The following KIAA1671 variants were observed in gnomAD, a reference collection of about 807,000 sequenced individuals.
The protein encoded by KIAA1671 is KIAA1671, also known as uncharacterized protein KIAA1671.
Under a neutral mutation model 131.2 loss-of-function variants are expected in KIAA1671, and 52 were observed. The ratio of observed to expected loss-of-function variants is 0.40; its 90% CI spans 0.32 to 0.50. The LOEUF is 0.50. KIAA1671 is among the 20% of genes least tolerant of loss of function. The pLI is 0.73. For missense variants in KIAA1671, 2,360 were observed against 2,364.2 expected, an observed-to-expected ratio of 1.00 and a Z score of 0.04; for synonymous variants, 1,003 against 961.6, an observed-to-expected ratio of 1.04 and a Z score of -0.80.
At chr22:24,957,232 T>G (rs1921761662) in intron 1 of KIAA1671, among the ~76,000 whole-genome samples, 1 of 151,826 alleles carries the variant, frequency 6.6e-6, no homozygotes, top group Non-Finnish European at 1.5e-5. Context: ...AGGTGATACT[T>G]GAGTCTTAAA....
At chr22:24,971,104 G>A (rs940312144) in intron 1 of KIAA1671, among the ~76,000 whole-genome samples, 4 of 152,130 alleles carry the variant, frequency 2.6e-5, no homozygotes, top group East Asian at 1.9e-4. Context: ...TTACAGGCAC[G>A]TGCCACCATG....
intron 6 of KIAA1671, among the ~76,000 whole-genome samples, chr22:25,094,220 G>A (rs981177222): frequency 6.6e-6 from 1 of 152,166 alleles, no homozygotes; most frequent in African/African-American, 2.4e-5. Context: ...CGGGAGCAGG[G>A]AGGCCCAGTT....
chr22:25,172,793 G>A (rs934056223), intron 7 of KIAA1671, among the ~76,000 whole-genome samples: 1 of 152,216 alleles, frequency 6.6e-6, no homozygotes, highest in Non-Finnish European at 1.5e-5. Context: ...GATTTCAGAA[G>A]TAGGAGAGAG....
At chr22:24,998,220 G>A (rs184087698) in intron 1 of KIAA1671, among the ~76,000 whole-genome samples, 5 of 152,148 alleles carry the variant, frequency 3.3e-5, no homozygotes, top group Admixed American at 2.6e-4. Context: ...GAGCAACATG[G>A]TGAAACCCCA....
intron 1 of KIAA1671, among the ~76,000 whole-genome samples, chr22:24,995,516 C>T (rs1924087097): frequency 1.3e-5 from 2 of 152,056 alleles, no homozygotes; most frequent in Non-Finnish European, 2.9e-5. Flanking sequence ...GCTACCATGT[C>T]TGGCTAATCG....
chr22:25,029,133 C>T lies in KIAA1671; in HGVS notation c.1134C>T (p.Thr378=). The change falls in exon 3 of 13, where the codon ACC becomes ACT. Residue 378 remains threonine (T), a synonymous_variant. Coordinates refer to ENST00000358431, the MANE Select transcript of KIAA1671 (RefSeq NM_001145206.2). The part of the protein sequence containing the change: ...RALVGGSSGV[T]PSNDQSPWEE... ...TGGTGGGGGGCTCATCTGGGGTCAC[C>T]CCCAGCAATGACCAGAGTCCCTGGG... 2 of 1,458,922 alleles carry T rather than the reference C, an allele frequency of 1.4e-6. No individual in the cohort carries two copies. The highest frequency in any genetic ancestry group is 2.9e-5 in the South Asian group (2 of 68,300). 90.4% of individuals were successfully genotyped at this position (1,458,922 alleles called of 1,614,324 possible).
chr22:25,071,020 T>C (rs1568940006), intron 6 of KIAA1671, among the ~76,000 whole-genome samples: 1 of 152,182 alleles, frequency 6.6e-6, no homozygotes. Context: ...TGCTTTCAGG[T>C]CTCACTTTGA....
At chr22:25,085,132 C>CAGTA (rs1442511230) in intron 6 of KIAA1671, among the ~76,000 whole-genome samples, 1 of 152,264 alleles carries the variant, frequency 6.6e-6, no homozygotes, top group Non-Finnish European at 1.5e-5. Context: ...CTGCATCTTG[C>CAGTA]AGTAGATCAG....
chr22:25,116,928 T>C (rs190447216), intron 6 of KIAA1671, among the ~76,000 whole-genome samples: 20 of 152,312 alleles, frequency 1.3e-4, no homozygotes, highest in Non-Finnish European at 2.6e-4. Context: ...CCTCAAACTA[T>C]TGCTGTATAT....
chr22:25,162,291 G>T (rs531406505), intron 6 of KIAA1671, among the ~76,000 whole-genome samples: 1 of 152,186 alleles, frequency 6.6e-6, no homozygotes, highest in East Asian at 1.9e-4. Context: ...GGGACAGAGC[G>T]TGTGTCCCCC....
chr22:25,053,235 C>T (rs1012374169), intron 6 of KIAA1671: 3 of 152,240 alleles, frequency 2.0e-5, no homozygotes, highest in African/African-American at 4.8e-5. Context: ...CTCTGTTTCT[C>T]CCCATCTCCC....
At chr22:25,188,076 G>A (rs543009253) in intron 11 of KIAA1671, among the ~76,000 whole-genome samples, 12 of 152,230 alleles carry the variant, frequency 7.9e-5, no homozygotes, top group South Asian at 4.1e-4. Context: ...TGAGGTGGGC[G>A]GATCACAAGA....
intron 6 of KIAA1671, among the ~76,000 whole-genome samples, chr22:25,087,387 C>T (rs983364164): frequency 2.6e-5 from 4 of 152,150 alleles, no homozygotes; most frequent in African/African-American, 9.7e-5. Flanking sequence ...AGTTCGAGAC[C>T]AGTCTGGCCA....
At position 25,029,464 on chromosome 22, in the gene KIAA1671, G is replaced by A. The variant is rs1926150364; in HGVS notation, c.1465G>A (p.Glu489Lys). 7.1e-6 allele frequency: 11 copies of A among 1,551,160 alleles called. No individual in the cohort carries two copies. The highest frequency in any genetic ancestry group is 4.8e-5 in the South Asian group (4 of 84,062). ...VQERIRGWTA[E>K]SSEAKPEVRR... ...GGAACGGATCAGAGGCTGGACTGCC[G>A]AGAGCTCAGAGGCTAAGCCCGAGGT... The change falls in exon 3 of 13, where the codon GAG (glutamate) becomes AAG (lysine). Residue 489 changes from glutamate to lysine, a missense_variant. Glu to Lys is a moderately conservative substitution (Grantham distance 56). Around this residue, in one of 3 missense-constraint regions of KIAA1671, gnomAD observed 1,185 missense variants for 1,126.2 expected, o/e 1.05. Transcript: ENST00000358431.
chr22:24,985,482 G>A (rs1005597276), intron 1 of KIAA1671, among the ~76,000 whole-genome samples: 1 of 152,068 alleles, frequency 6.6e-6, no homozygotes, highest in African/African-American at 2.4e-5. Context: ...TGGGACTACA[G>A]GCGCCCGCCA....
chr22:24,966,743 A>T (rs1922325191), intron 1 of KIAA1671, among the ~76,000 whole-genome samples: 1 of 152,150 alleles, frequency 6.6e-6, no homozygotes, highest in Non-Finnish European at 1.5e-5. Flanking sequence ...GCTTGAGCCC[A>T]GGAGTTTGAG....
At chr22:25,005,872 C>T (rs1266629100) in intron 1 of KIAA1671, among the ~76,000 whole-genome samples, 3 of 152,198 alleles carry the variant, frequency 2.0e-5, no homozygotes, top group Non-Finnish European at 2.9e-5. Flanking sequence ...GTGACTTCCT[C>T]TCTCTGAGCC....
intron 6 of KIAA1671, among the ~76,000 whole-genome samples, chr22:25,154,893 G>A (rs1321900929): frequency 1.3e-5 from 2 of 152,182 alleles, no homozygotes; most frequent in African/African-American, 4.8e-5. Flanking sequence ...CAAAATAGTA[G>A]GCTCTTAATA....
intron 9 of KIAA1671, among the ~76,000 whole-genome samples, chr22:25,179,872 A>G (rs945080729): frequency 9.2e-5 from 14 of 152,096 alleles, no homozygotes; most frequent in Non-Finnish European, 1.9e-4. Context: ...CTGTTTTCTA[A>G]TGCATCATTT....
Sources: gnomAD v4.1 joint callset for allele counts (sites outside exome capture counted in the v4.1 genomes callset) on GRCh38, gnomAD v4.1.1 for gene constraint, gnomAD v4.1.1 regional missense constraint, MANE v1.5 for transcripts, NCBI Gene and HGNC (gene_info 2026-07-23, HGNC 2026-07-21) for gene names.